FAM53C: variants seen among roughly 807,000 people sequenced by gnomAD.
FAM53C encodes the protein family with sequence similarity 53 member C, also known as protein FAM53C.
FAM53C carries 10 observed loss-of-function variants against 34.7 expected under a neutral mutation model. That is an observed-to-expected ratio of 0.29 (90% CI 0.18 to 0.49). The LOEUF (loss-of-function observed/expected upper bound fraction) is 0.49. FAM53C is among the 20% of genes least tolerant of loss of function. The probability of loss-of-function intolerance (pLI) is 0.99; values close to 1 mark genes in which losing one functional copy is unlikely to be tolerated. For missense variants in FAM53C, 442 were observed against 515.3 expected, an observed-to-expected ratio of 0.86 and a Z score of 1.38; for synonymous variants, 203 against 203.6, an observed-to-expected ratio of 1.00 and a Z score of 0.03.
At position 138,346,915 on chromosome 5, in the gene FAM53C, C is replaced by T. The variant is rs747747219; in HGVS notation, c.1135C>T (p.Arg379Trp). The change falls in exon 5 of 5, where the codon CGG becomes TGG. Residue 379 changes from arginine (R) to tryptophan (W), a missense_variant. Transcript: ENST00000239906. ...GCTGAGCAAGCGGACACTGTGCCAGCGGGACTTTGGGGACCTGGACTTGAA... is the reference window on the plus strand; with the variant it reads ...GCTGAGCAAGCGGACACTGTGCCAGTGGGACTTTGGGGACCTGGACTTGAA... ...QALSKRTLCQ[R>W]DFGDLDLNLI... The T allele has an allele frequency of 1.9e-6, 3 of 1,614,100 alleles. No homozygotes were observed. The highest frequency in any genetic ancestry group is 2.2e-5 in the East Asian group (1 of 44,872).
At chr5:138,338,234 T>G, upstream of FAM53C, 1 of 1,220,966 alleles carries the variant, frequency 8.2e-7, no homozygotes, top group Non-Finnish European at 1.1e-6. Context: ...GCCAGCGCCT[T>G]TTAAGGGCAC....
chr5:138,345,594 T>A lies in FAM53C; in HGVS notation c.906T>A (p.Phe302Leu). The A allele has an allele frequency of 6.2e-7, 1 of 1,612,106 alleles. No individual in the cohort carries two copies. Among genetic ancestry groups the A allele is most frequent in the East Asian group, 2.2e-5 (1 of 44,856 alleles). Residue 302 changes from phenylalanine (F) to leucine (L), a missense_variant, in exon 4 of 5, where the codon TTT becomes TTA. Transcript: ENST00000239906. The surrounding 1 kb of genome is among the most constrained non-coding windows in gnomAD (Gnocchi z 6.3). ...GGCGTCTGCGGCCTTCGTTGGACTT[T>A]GACAAGATGAATCAGGTGGGACCAG... ...DPRRLRPSLD[F>L]DKMNQKPYSG...
At position 138,345,084 on chromosome 5, in the gene FAM53C, G is replaced by A. The variant is rs564544788; in HGVS notation, c.396G>A (p.Pro132=). ...CCGTGGACCTGTCTCGCTGGCAGCC[G>A]GTGTGGCGGCCCGCCCCCTCCAAGC... is the stretch of plus-strand genomic sequence containing the variant. ...SVPVDLSRWQ[P]VWRPAPSKLW... Residue 132 remains proline (P), a synonymous_variant, in exon 4 of 5, where the codon CCG becomes CCA. Coordinates refer to ENST00000239906, the MANE Select transcript of FAM53C (RefSeq NM_016605.3). This position sits in a 1 kb window ranked among gnomAD's most constrained non-coding sequence, Gnocchi z 6.3. 5.0e-6 allele frequency: 8 copies of A among 1,613,960 alleles called. No homozygotes were observed. Among genetic ancestry groups the A allele is most frequent in the South Asian group, 2.2e-5 (2 of 91,074 alleles).
At chr5:138,346,435 C>G (rs1761176410) in intron 4 of FAM53C, among the ~76,000 whole-genome samples, 1 of 152,188 alleles carries the variant, frequency 6.6e-6, no homozygotes, top group Admixed American at 6.5e-5. Flanking sequence ...ACCATCCTGG[C>G]TAACACGGTG....
chr5:138,341,503 T>C (rs1761033891), intron 2 of FAM53C, 90 bp downstream of exon 2: 1 of 1,201,742 alleles, frequency 8.3e-7, no homozygotes, highest in Non-Finnish European at 1.2e-6. Context: ...TGTCCTGTGC[T>C]GTATGAATCA....
chr5:138,346,567 T>A lies in FAM53C; in HGVS notation c.922-135T>A. On this transcript the variant is annotated intron_variant, in intron 4 of 4. Coordinates refer to ENST00000239906, the MANE Select transcript of FAM53C (RefSeq NM_016605.3). ...TGAACCCGGGAGGCAGAGCTTGCAG[T>A]GAGCCAAGATCACGCCACTGCACTC... The A allele has an allele frequency of 2.7e-6, 3 of 1,099,942 alleles. No individual in the cohort carries two copies. In the South Asian group the frequency reaches 4.8e-5, roughly 18 times the overall value. The allele number at this position is 1,099,942 out of a possible 1,614,324, so 68.1% of individuals were successfully genotyped here.
chr5:138,337,722 G>T (rs1002276134), upstream of FAM53C: 2 of 336,152 alleles, frequency 5.9e-6, no homozygotes, highest in Admixed American at 8.8e-5. Context: ...GGGCTCCTGG[G>T]ACTCCGAGCA....
intron 2 of FAM53C, 177 bp downstream of exon 2, chr5:138,341,590 A>AT: frequency 1.3e-6 from 1 of 752,098 alleles, no homozygotes; most frequent in South Asian, 1.7e-5. Flanking sequence ...TTTTCCACCG[A>AT]TAGAGAAGGG....
chr5:138,338,201 T>A (rs1391363732), upstream of FAM53C: 1 of 1,279,496 alleles, frequency 7.8e-7, no homozygotes. Flanking sequence ...CCCCCTACTC[T>A]CCTCAGGGAC....
At chr5:138,337,786 G>T, upstream of FAM53C, 1 of 396,612 alleles carries the variant, frequency 2.5e-6, no homozygotes, top group Non-Finnish European at 4.6e-6. Context: ...GCCGCGGACG[G>T]GTCCTTTGCT....
upstream of FAM53C, chr5:138,337,701 A>G: frequency 3.0e-6 from 1 of 332,534 alleles, no homozygotes; most frequent in East Asian, 9.3e-5. Flanking sequence ...CCGATCCGGC[A>G]GCTGCAAGAG....
At chr5:138,343,265 T>C (rs569448518) in intron 3 of FAM53C, among the ~76,000 whole-genome samples, 1 of 151,910 alleles carries the variant, frequency 6.6e-6, no homozygotes, top group East Asian at 2.0e-4. Context: ...ATCCCAGCAC[T>C]TTGGGAGGCC....
upstream of FAM53C, chr5:138,337,927 G>T: frequency 7.8e-7 from 1 of 1,281,484 alleles, no homozygotes; most frequent in African/African-American, 1.5e-5. Context: ...GTTGGAGGGA[G>T]GGAGGGCAGG....
intron 3 of FAM53C, chr5:138,343,123 C>T (rs1761078615): frequency 1.3e-5 from 2 of 151,804 alleles, no homozygotes; most frequent in Non-Finnish European, 2.9e-5. Flanking sequence ...TATATAGCTA[C>T]ATATTATTAC....
chr5:138,346,186 A>C (rs1402285055), intron 4 of FAM53C, among the ~76,000 whole-genome samples: 1 of 152,232 alleles, frequency 6.6e-6, no homozygotes, highest in Admixed American at 6.5e-5. Context: ...TTTTTCATAC[A>C]GTCGTCCATC....
chr5:138,339,400 G>A (rs754352210), intron 1 of FAM53C, among the ~76,000 whole-genome samples: 5 of 152,186 alleles, frequency 3.3e-5, no homozygotes, highest in Non-Finnish European at 5.9e-5. Flanking sequence ...GGTGGTAGTT[G>A]CATTGTTCCA....
chr5:138,340,665 A>G (rs1429546096), intron 1 of FAM53C, among the ~76,000 whole-genome samples: 1 of 152,232 alleles, frequency 6.6e-6, no homozygotes, highest in African/African-American at 2.4e-5. Context: ...TATCTATTGG[A>G]AAACAATAAT....
At chr5:138,338,049 A>T (rs746794248), upstream of FAM53C, 16 of 1,289,566 alleles carry the variant, frequency 1.2e-5, no homozygotes, top group South Asian at 2.0e-4. Flanking sequence ...GTGACTCGTT[A>T]GTGAGGAAAC....
At chr5:138,341,730 G>A in intron 2 of FAM53C, 79 bp from the exon 3 acceptor site, 1 of 1,276,046 alleles carries the variant, frequency 7.8e-7, no homozygotes. Context: ...GAATCGCAGA[G>A]GAGAACTGAA....
Sources: gnomAD v4.1 joint callset for allele counts (sites outside exome capture counted in the v4.1 genomes callset) on GRCh38, gnomAD v4.1.1 for gene constraint, Gnocchi (gnomAD v3.1) non-coding constraint, MANE v1.5 for transcripts, NCBI Gene and HGNC (gene_info 2026-07-23, HGNC 2026-07-21) for gene names.